The following NDUFS4 variants were observed in gnomAD, a reference collection of about 807,000 sequenced individuals.
The protein encoded by NDUFS4 is NADH:ubiquinone oxidoreductase subunit S4.
A neutral mutation model predicts 24.3 loss-of-function variants in NDUFS4; 28 were observed. The observed-to-expected ratio is 1.15, with a 90% CI of 0.85 to 1.58. The LOEUF is 1.58. NDUFS4 is among the 40% of genes most tolerant of loss of function. NDUFS4 has a pLI of 0.00. For synonymous variants in NDUFS4, 93 were observed against 69.7 expected (o/e 1.34, Z -1.67); for missense variants, 223 against 207.9 (o/e 1.07, Z -0.45).
At position 53,673,087 on chromosome 5, in the gene NDUFS4, A is replaced by ACAT. The variant is rs1740336174; in HGVS notation, c.425-10029_425-10027dup. ...GTACAAGGACTCAGGTAAATAGAAC[A>ACAT]CATCTTGAGCAGTGAAGGCATTGAT... On this transcript the variant is annotated intron_variant, in intron 4 of 4. Transcript: ENST00000296684. 2.6e-5 allele frequency among the ~76,000 whole-genome samples: 4 copies of ACAT among 152,292 alleles called. No homozygotes were observed. The South Asian group carries it at 8.3e-4, about 32-fold the overall frequency.
intron 3 of NDUFS4, among the ~76,000 whole-genome samples, chr5:53,651,924 A>G (rs1201910365): frequency 6.6e-6 from 1 of 151,830 alleles, no homozygotes; most frequent in Non-Finnish European, 1.5e-5. Flanking sequence ...AGGCACCTGC[A>G]CCACGCCCGG....
intron 1 of NDUFS4, among the ~76,000 whole-genome samples, chr5:53,599,556 A>G (rs147888430): frequency 0.013 from 1,939 of 152,164 alleles, 38 homozygotes; most frequent in African/African-American, 0.045. Context: ...TCTTTTTTGG[A>G]TAAATGTTTA....
intron 2 of NDUFS4, among the ~76,000 whole-genome samples, chr5:53,642,858 A>G (rs982286958): frequency 7.2e-5 from 11 of 152,172 alleles, no homozygotes; most frequent in African/African-American, 2.7e-4. Flanking sequence ...TGTTGAAAGA[A>G]TGAACTTTGG....
intron 4 of NDUFS4, among the ~76,000 whole-genome samples, chr5:53,662,849 TTGCCTTC>T (rs1436608714): frequency 6.6e-6 from 1 of 152,238 alleles, no homozygotes; most frequent in African/African-American, 2.4e-5. Flanking sequence ...TAGTTATTTC[TTGCCTTC>T]TGCTAGCTTT....
At chr5:53,681,389 G>GTCA (rs1740659436) in intron 4 of NDUFS4, among the ~76,000 whole-genome samples, 1 of 152,066 alleles carries the variant, frequency 6.6e-6, no homozygotes, top group Non-Finnish European at 1.5e-5. Context: ...TGTTAAGTCA[G>GTCA]GGTGCTTTCT....
chr5:53,646,068 A>C, intron 2 of NDUFS4, 165 bp from the exon 3 acceptor site: 2 of 606,908 alleles, frequency 3.3e-6, no homozygotes, highest in Non-Finnish European at 5.8e-6. Flanking sequence ...TCTAAATAGT[A>C]ATTTACATTG....
intron 2 of NDUFS4, among the ~76,000 whole-genome samples, chr5:53,624,104 G>T (rs1384190716): frequency 1.3e-5 from 2 of 152,126 alleles, no homozygotes; most frequent in Non-Finnish European, 2.9e-5. Flanking sequence ...AGTTTTCCCA[G>T]CACCATTTGT....
chr5:53,624,995 C>CT (rs1413799384), intron 2 of NDUFS4, among the ~76,000 whole-genome samples: 1 of 152,048 alleles, frequency 6.6e-6, no homozygotes, highest in Non-Finnish European at 1.5e-5. Context: ...GATAGGGTCT[C>CT]TGTGCAGTGG....
At chr5:53,588,388 T>C (rs917095642) in intron 1 of NDUFS4, among the ~76,000 whole-genome samples, 1 of 152,180 alleles carries the variant, frequency 6.6e-6, no homozygotes, top group Non-Finnish European at 1.5e-5. Context: ...GCCAATTACT[T>C]AACTAGTTAT....
At chr5:53,654,855 G>GT (rs1046350826) in intron 3 of NDUFS4, among the ~76,000 whole-genome samples, 2 of 152,124 alleles carry the variant, frequency 1.3e-5, no homozygotes, top group African/African-American at 4.8e-5. Flanking sequence ...ACTTAGATCT[G>GT]TTTTGAATAA....
intron 1 of NDUFS4, among the ~76,000 whole-genome samples, chr5:53,592,854 CTT>C (rs754122662): frequency 9.9e-5 from 15 of 152,208 alleles, no homozygotes; most frequent in Middle Eastern, 3.4e-3. Flanking sequence ...TATTTTGAGT[CTT>C]TTGTCTTTCC....
At chr5:53,651,320 C>G (rs947403567) in intron 3 of NDUFS4, among the ~76,000 whole-genome samples, 1 of 151,744 alleles carries the variant, frequency 6.6e-6, no homozygotes, top group African/African-American at 2.4e-5. Flanking sequence ...TCTGACTTCT[C>G]TTTGTGAAAT....
At chr5:53,663,081 C>T (rs542224923) in intron 4 of NDUFS4, among the ~76,000 whole-genome samples, 37 of 151,980 alleles carry the variant, frequency 2.4e-4, no homozygotes, top group African/African-American at 8.4e-4. Context: ...CATTATGTAC[C>T]CAGTAGTCAT....
chr5:53,639,763 A>C (rs1751657203), intron 2 of NDUFS4, among the ~76,000 whole-genome samples: 1 of 152,156 alleles, frequency 6.6e-6, no homozygotes, highest in African/African-American at 2.4e-5. Context: ...AAAAAGTTAA[A>C]CTTTGTTTAA....
At chr5:53,611,596 A>C (rs1365213354) in intron 2 of NDUFS4, among the ~76,000 whole-genome samples, 1 of 151,936 alleles carries the variant, frequency 6.6e-6, no homozygotes, top group African/African-American at 2.4e-5. Context: ...AAAAAAAAAA[A>C]CTTTTTGTGG....
At chr5:53,669,132 T>C (rs1579939467) in intron 4 of NDUFS4, among the ~76,000 whole-genome samples, 1 of 152,162 alleles carries the variant, frequency 6.6e-6, no homozygotes, top group African/African-American at 2.4e-5. Context: ...CTTGGCCCTT[T>C]ACAGAAAATT....
Position 53,618,592 on chromosome 5 carries a change from G to A in NDUFS4, c.177+15062G>A, listed in dbSNP as rs111888073. ...AACTTGCCTTTTCTAACAGCCTGTG[G>A]CACTAATATCATCTGTGATATTATC... On this transcript the variant is annotated intron_variant, in intron 2 of 4. Transcript: ENST00000296684. Among the ~76,000 whole-genome samples, 272 of 152,118 alleles carry A rather than the reference G, an allele frequency of 1.8e-3. 1 individual carries two copies. The highest frequency in any genetic ancestry group is 6.0e-3 in the African/African-American group (247 of 41,492).
chr5:53,669,898 G>T (rs940012952), intron 4 of NDUFS4, among the ~76,000 whole-genome samples: 3 of 151,166 alleles, frequency 2.0e-5, no homozygotes, highest in Non-Finnish European at 2.9e-5. Flanking sequence ...TTGGTGACTT[G>T]TTCTTTTTTT....
At chr5:53,648,650 A>G (rs965152561) in intron 3 of NDUFS4, among the ~76,000 whole-genome samples, 1 of 152,144 alleles carries the variant, frequency 6.6e-6, no homozygotes, top group African/African-American at 2.4e-5. Flanking sequence ...TCCTTAAAAC[A>G]TTTGCCAGTG....
Sources: gnomAD v4.1 joint callset for allele counts (sites outside exome capture counted in the v4.1 genomes callset) on GRCh38, gnomAD v4.1.1 for gene constraint, MANE v1.5 for transcripts, NCBI Gene and HGNC (gene_info 2026-07-23, HGNC 2026-07-21) for gene names.